GSK3B: variants seen among roughly 807,000 people sequenced by gnomAD.
The protein encoded by GSK3B is glycogen synthase kinase 3 beta.
In GSK3B, 15 loss-of-function variants were observed where a neutral mutation model predicts 56.4. The ratio of observed to expected loss-of-function variants is 0.27; its 90% CI spans 0.18 to 0.41. The LOEUF (loss-of-function observed/expected upper bound fraction) is 0.41. GSK3B is among the 10% of genes least tolerant of loss of function. The probability of loss-of-function intolerance (pLI) is 1.00; values close to 1 mark genes in which losing one functional copy is unlikely to be tolerated. For synonymous variants in GSK3B, 181 were observed against 188.9 expected, an observed-to-expected ratio of 0.96 and a Z score of 0.34; for missense variants, 300 against 513.4, an observed-to-expected ratio of 0.58 and a Z score of 4.02.
At chr3:119,862,719 A>C (rs1350614073) in intron 9 of GSK3B, among the ~76,000 whole-genome samples, 1 of 130,044 alleles carries the variant, frequency 7.7e-6, no homozygotes, top group Non-Finnish European at 1.6e-5. Flanking sequence ...TGCTCAGTGT[A>C]ATAAGAAAGT....
chr3:119,982,994 C>CT (rs1260740999), intron 2 of GSK3B, among the ~76,000 whole-genome samples: 11 of 152,198 alleles, frequency 7.2e-5, no homozygotes, highest in South Asian at 2.1e-4. Context: ...GGCCATCAGA[C>CT]TAACAGTGGA....
chr3:120,032,975 C>T (rs2057990736), intron 1 of GSK3B, among the ~76,000 whole-genome samples: 1 of 152,186 alleles, frequency 6.6e-6, no homozygotes, highest in South Asian at 2.1e-4. Flanking sequence ...TTCATTACCC[C>T]AAAAAGAAAC....
Position 119,925,542 on chromosome 3 carries a change from C to T in GSK3B, c.367-2059G>A, listed in dbSNP as rs571393937. On this transcript the variant is annotated intron_variant, in intron 3 of 10. Transcript: ENST00000264235. Reference sequence around the variant, plus strand: ...CTTCTGTAACTAGAGATAAGCTAACCCAGCTCCTTCCTAAGGCAAACATCA... The same window carrying T: ...CTTCTGTAACTAGAGATAAGCTAACTCAGCTCCTTCCTAAGGCAAACATCA... 2.0e-5 allele frequency among the ~76,000 whole-genome samples: 3 copies of T among 152,220 alleles called. No homozygotes were observed. In the East Asian group the frequency reaches 5.8e-4, roughly 29 times the overall value.
In GSK3B at chr3:119,933,149, C is replaced by A. The variant is rs1225463709; in HGVS notation, c.367-9666G>T. On this transcript the variant is annotated intron_variant, in intron 3 of 10. Coordinates refer to ENST00000264235, the MANE Select transcript of GSK3B (RefSeq NM_001146156.2). Reference sequence around the variant, plus strand: ...AACAGATGGTCATAAAAATGGCCAACAAAACTGTAGAAAAATGCTCAGCCT... The same window carrying A: ...AACAGATGGTCATAAAAATGGCCAAAAAAACTGTAGAAAAATGCTCAGCCT... 2.0e-5 allele frequency among the ~76,000 whole-genome samples: 3 copies of A among 151,908 alleles called. No individual in the cohort carries two copies. In the South Asian group the frequency reaches 6.2e-4, roughly 32 times the overall value.
At chr3:119,944,933 G>A (rs114872182) in intron 3 of GSK3B, among the ~76,000 whole-genome samples, 3,812 of 152,296 alleles carry the variant, frequency 0.025, 73 homozygotes, top group Non-Finnish European at 0.038. Context: ...CTAAACAGCA[G>A]TGGATACTCT....
At chr3:119,851,632 A>G (rs1239145873) in intron 9 of GSK3B, among the ~76,000 whole-genome samples, 2 of 152,210 alleles carry the variant, frequency 1.3e-5, no homozygotes, top group Non-Finnish European at 2.9e-5. Context: ...CAGTCATTAT[A>G]TAAAAGGGAA....
At chr3:120,010,355 G>GT (rs1301155506) in intron 1 of GSK3B, among the ~76,000 whole-genome samples, 6 of 151,722 alleles carry the variant, frequency 4.0e-5, no homozygotes, top group African/African-American at 1.5e-4. Context: ...TTCTTTACCT[G>GT]TATCTTAGCA....
chr3:119,856,832 T>C (rs1389782722), intron 9 of GSK3B, among the ~76,000 whole-genome samples: 8 of 152,140 alleles, frequency 5.3e-5, no homozygotes, highest in Admixed American at 5.2e-4. Flanking sequence ...AAATAATAAG[T>C]CTAAAAACCA....
intron 7 of GSK3B, among the ~76,000 whole-genome samples, chr3:119,887,626 T>C (rs947112275): frequency 2.6e-5 from 4 of 152,050 alleles, no homozygotes; most frequent in African/African-American, 9.7e-5. Context: ...CATGTACACA[T>C]GTGACTTGAG....
At chr3:120,040,545 GC>G (rs1282506971) in intron 1 of GSK3B, among the ~76,000 whole-genome samples, 1 of 152,032 alleles carries the variant, frequency 6.6e-6, no homozygotes, top group African/African-American at 2.4e-5. Context: ...GCCTTAACAA[GC>G]CCCCAGAGAA....
intron 7 of GSK3B, among the ~76,000 whole-genome samples, chr3:119,885,753 C>T (rs2056429120): frequency 6.6e-6 from 1 of 151,918 alleles, no homozygotes; most frequent in Non-Finnish European, 1.5e-5. Flanking sequence ...AAGCCACACA[C>T]AGCCATCTGA....
intron 7 of GSK3B, among the ~76,000 whole-genome samples, chr3:119,877,710 T>C (rs980338485): frequency 1.3e-5 from 2 of 152,176 alleles, no homozygotes; most frequent in Admixed American, 1.3e-4. Context: ...TAAACTTACA[T>C]ATTTGTATGT....
At chr3:119,958,445 G>A (rs1418479895) in intron 2 of GSK3B, among the ~76,000 whole-genome samples, 1 of 152,120 alleles carries the variant, frequency 6.6e-6, no homozygotes. Flanking sequence ...GGGAGGCTAA[G>A]GAAGGAGGAT....
At chr3:119,866,708 T>C (rs1402829335) in intron 8 of GSK3B, 2 of 867,922 alleles carry the variant, frequency 2.3e-6, no homozygotes, top group African/African-American at 1.7e-5. Context: ...GAAAAATATA[T>C]CCAATGTTAT....
At chr3:119,955,590 T>C (rs1332954346) in intron 2 of GSK3B, among the ~76,000 whole-genome samples, 1 of 152,156 alleles carries the variant, frequency 6.6e-6, no homozygotes, top group East Asian at 1.9e-4. Context: ...AAGTCTTAAA[T>C]ACAGCGCTAA....
intron 1 of GSK3B, among the ~76,000 whole-genome samples, chr3:120,040,052 C>A (rs553786698): frequency 6.6e-6 from 1 of 152,312 alleles, no homozygotes; most frequent in East Asian, 1.9e-4. Flanking sequence ...AGAAACAGGC[C>A]GGCAGCTCGG....
chr3:120,063,992 A>C (rs1425914973), intron 1 of GSK3B, among the ~76,000 whole-genome samples: 1 of 152,104 alleles, frequency 6.6e-6, no homozygotes, highest in Admixed American at 6.6e-5. Flanking sequence ...GTCTCAAAAA[A>C]AATTAAATAA....
chr3:120,045,239 C>T (rs7652172), intron 1 of GSK3B, among the ~76,000 whole-genome samples: 42,332 of 152,100 alleles, frequency 0.28, 7,640 homozygotes, highest in African/African-American at 0.52. Context: ...AAGCAGGGAA[C>T]TGTAAGATAT....
chr3:119,827,270 T>C (rs2055525929), intron 10 of GSK3B, among the ~76,000 whole-genome samples: 1 of 151,858 alleles, frequency 6.6e-6, no homozygotes, highest in Non-Finnish European at 1.5e-5. Flanking sequence ...AGTAAATAGG[T>C]GGAGGCAATG....
Sources: allele counts gnomAD v4.1 joint callset (sites outside exome capture counted in the v4.1 genomes callset), GRCh38; gene constraint gnomAD v4.1.1; transcripts MANE v1.5; gene names NCBI Gene and HGNC (gene_info 2026-07-23, HGNC 2026-07-21).